The following ACSF3 variants were observed in gnomAD, a reference collection of about 807,000 sequenced individuals.
ACSF3 encodes the protein acyl-CoA synthetase family member 3, also known as malonate--CoA ligase ACSF3, mitochondrial.
In ACSF3, 78 loss-of-function variants were observed where a neutral mutation model predicts 53.2. The ratio of observed to expected loss-of-function variants is 1.47; its 90% CI spans 1.22 to 1.77. The LOEUF (loss-of-function observed/expected upper bound fraction) is 1.77, where lower values mean the gene tolerates loss of function less well. ACSF3 is among the 40% of genes most tolerant of loss of function. The pLI, the probability that ACSF3 is intolerant of heterozygous loss-of-function variation, is 0.00. For synonymous variants in ACSF3, 414 were observed against 333.1 expected, an observed-to-expected ratio of 1.24 and a Z score of -2.65; for missense variants, 937 against 771.1, an observed-to-expected ratio of 1.22 and a Z score of -2.55.
At chr16:89,137,157 G>A (rs1910681906) in intron 8 of ACSF3, among the ~76,000 whole-genome samples, 1 of 152,242 alleles carries the variant, frequency 6.6e-6, no homozygotes, top group Non-Finnish European at 1.5e-5. Flanking sequence ...CATCCCTGCA[G>A]GGGTGAATGG....
rs980898782 is a variant in ACSF3 at position 89,098,691 on chromosome 16, T to A, written c.-93T>A. The A allele has an allele frequency of 2.2e-6, 1 of 454,010 alleles. No homozygotes were observed. Among genetic ancestry groups the A allele is most frequent in the Non-Finnish European group, 4.4e-6 (1 of 226,802 alleles). The allele number at this position is 454,010 out of a possible 1,614,324, so 28.1% of individuals were successfully genotyped here. Reference sequence around the variant, plus strand: ...CACCTTATCGTGCCCTTCCACCTGCTGAAGCAGCTGTGCCTGCCGCTCTTG... The same window carrying A: ...CACCTTATCGTGCCCTTCCACCTGCAGAAGCAGCTGTGCCTGCCGCTCTTG... On this transcript the variant is annotated 5_prime_UTR_variant, in exon 2 of 11. An upstream open reading frame in the 5' UTR loses its in-frame stop. Transcript: ENST00000614302.
intron 6 of ACSF3, among the ~76,000 whole-genome samples, chr16:89,118,965 G>A (rs899205095): frequency 2.6e-5 from 4 of 152,006 alleles, no homozygotes; most frequent in Admixed American, 2.0e-4. Flanking sequence ...TCACATGCCC[G>A]GGGCACAGCG....
At chr16:89,142,562 C>G (rs1912006008) in intron 8 of ACSF3, among the ~76,000 whole-genome samples, 1 of 151,532 alleles carries the variant, frequency 6.6e-6, no homozygotes, top group South Asian at 2.1e-4. Flanking sequence ...CACACCCACA[C>G]CTGCAGACAC....
intron 4 of ACSF3, among the ~76,000 whole-genome samples, chr16:89,104,764 A>G (rs1326436466): frequency 6.6e-6 from 1 of 152,210 alleles, no homozygotes; most frequent in East Asian, 1.9e-4. Flanking sequence ...AGGCCGGCTC[A>G]CAGTGGGCAC....
At chr16:89,145,052 TC>T in intron 8 of ACSF3, 1 of 1,338,260 alleles carries the variant, frequency 7.5e-7, no homozygotes, top group Admixed American at 2.0e-5. Context: ...ATGGGCACAG[TC>T]CCACCTTGGG....
chr16:89,136,269 A>C (rs553983623), intron 8 of ACSF3, among the ~76,000 whole-genome samples: 1 of 152,242 alleles, frequency 6.6e-6, no homozygotes, highest in Non-Finnish European at 1.5e-5. Flanking sequence ...GCCGGGGCGG[A>C]ATCACATGCA....
intron 8 of ACSF3, chr16:89,140,975 A>G (rs1911636168): frequency 1.9e-6 from 2 of 1,050,152 alleles, no homozygotes; most frequent in Non-Finnish European, 2.5e-6. Flanking sequence ...GCCCATTGGC[A>G]GCCGACTCCG....
Position 89,146,061 on chromosome 16 carries a change from T to TGGGGGGGG in ACSF3, c.1613+16_1613+17insGGGGGGGG. 2.8e-6 allele frequency: 1 copy of TGGGGGGGG among 356,158 alleles called. No homozygotes were observed. The highest frequency in any genetic ancestry group is 5.8e-6 in the Non-Finnish European group (1 of 173,418). The allele number at this position is 356,158 out of a possible 1,614,324, so 22.1% of individuals were successfully genotyped here. ...AAAGAGTGGGCCAGGTAGGGCTGGG[T>TGGGGGGGG]GGGGCGGGCAGGGAGCACTCATGGG... On this transcript the variant is annotated intron_variant, in intron 10 of 10. Transcript: ENST00000614302.
intron 4 of ACSF3, among the ~76,000 whole-genome samples, chr16:89,108,038 A>G (rs576674416): frequency 8.7e-4 from 133 of 152,340 alleles, no homozygotes; most frequent in African/African-American, 3.1e-3. Context: ...AGAGAAAATG[A>G]GGAAGAAGCA....
At chr16:89,123,322 A>G (rs1363183350) in intron 7 of ACSF3, among the ~76,000 whole-genome samples, 1 of 152,212 alleles carries the variant, frequency 6.6e-6, no homozygotes, top group Admixed American at 6.5e-5. Context: ...AAGCCCCAGC[A>G]TCAGAGACCT....
intron 8 of ACSF3, chr16:89,141,299 T>TG (rs1023850304): frequency 1.0e-5 from 13 of 1,286,832 alleles, no homozygotes; most frequent in Non-Finnish European, 1.3e-5. Context: ...CTGAGTAGTC[T>TG]GGGAATGGGC....
chr16:89,124,555 ATGTGTGTGAGATACCCATGCGCACACTG>A (rs1368355598), intron 7 of ACSF3, among the ~76,000 whole-genome samples: 12 of 80,722 alleles, frequency 1.5e-4, no homozygotes, highest in Non-Finnish European at 3.0e-4. Context: ...CACTGTATGT[ATGTGTGTGAGATACCCATGCGCACACTG>A]TGTGTGTGAT....
rs548950329 is a variant in ACSF3 at position 89,130,603 on chromosome 16, C to G, written c.1240-2533C>G. Among the ~76,000 whole-genome samples, 5 of 152,206 alleles carry G rather than the reference C, an allele frequency of 3.3e-5. No homozygotes were observed. The South Asian group carries it at 1.0e-3, about 32-fold the overall frequency. On this transcript the variant is annotated intron_variant, in intron 7 of 10. Coordinates refer to ENST00000614302, the MANE Select transcript of ACSF3 (RefSeq NM_001243279.3). ...AAATACTACTAATAATATAACTCCA[C>G]TTCTTTCCGGCCTCCATTGTTTCCG...
chr16:89,095,334 A>G (rs543777399), intron 1 of ACSF3: 2 of 147,766 alleles, frequency 1.4e-5, no homozygotes, highest in South Asian at 2.1e-4. Context: ...TGGCATTTTT[A>G]AAATAGTATT....
Position 89,128,051 on chromosome 16 carries a change from G to A in ACSF3, c.1240-5085G>A, listed in dbSNP as rs185643287. 6.3e-3 allele frequency among the ~76,000 whole-genome samples: 958 copies of A among 151,476 alleles called. 12 individuals are homozygous for A. Among genetic ancestry groups the A allele is most frequent in the Middle Eastern group, 0.01 (3 of 292 alleles). On this transcript the variant is annotated intron_variant, in intron 7 of 10. Transcript: ENST00000614302. ...TTGGATACATTGATTTTTCTTTACT[G>A]TTTTTCTGTTTTCAGTTTCACTAGT...
At position 89,135,068 on chromosome 16, in the gene ACSF3, CT is replaced by C. The variant is rs1165640467; in HGVS notation, c.1366+1807del. Reference sequence around the variant, plus strand: ...TGAGATTGCGGTGGTTTTTCTTTTCCTGGTTTTTTTTTTTTTTTTTTTGGCC... The same window carrying C: ...TGAGATTGCGGTGGTTTTTCTTTTCCGGTTTTTTTTTTTTTTTTTTTGGCC... On this transcript the variant is annotated intron_variant, in intron 8 of 10. Transcript: ENST00000614302. Among the ~76,000 whole-genome samples, 8 of 142,954 alleles carry C rather than the reference CT, an allele frequency of 5.6e-5. No homozygotes were observed. The East Asian group carries it at 1.5e-3, about 28-fold the overall frequency. 93.8% of individuals were successfully genotyped at this position (142,954 alleles called of 152,430 possible). A position where few individuals can be genotyped will look rare whatever the true frequency, so the allele number is the denominator to read the frequency against.
At chr16:89,116,275 G>T (rs952881434) in intron 6 of ACSF3, among the ~76,000 whole-genome samples, 4 of 152,198 alleles carry the variant, frequency 2.6e-5, no homozygotes, top group African/African-American at 9.6e-5. Context: ...CCTGGGCTCT[G>T]CTCTGTCCCA....
At chr16:89,118,528 G>T (rs1345617196) in intron 6 of ACSF3, among the ~76,000 whole-genome samples, 1 of 151,126 alleles carries the variant, frequency 6.6e-6, no homozygotes, top group Non-Finnish European at 1.5e-5. Flanking sequence ...GCTCATGCTT[G>T]GCCTCGCTGC....
chr16:89,117,606 G>A (rs926901076), intron 6 of ACSF3, among the ~76,000 whole-genome samples: 15 of 151,652 alleles, frequency 9.9e-5, no homozygotes, highest in East Asian at 1.9e-4. Context: ...CACTGAGAGC[G>A]TCAGGAGCAG....
Sources: gnomAD v4.1 joint callset for allele counts (sites outside exome capture counted in the v4.1 genomes callset) on GRCh38, gnomAD v4.1.1 for gene constraint, MANE v1.5 for transcripts, NCBI Gene and HGNC (gene_info 2026-07-23, HGNC 2026-07-21) for gene names.